UBE2F: variants seen among roughly 807,000 people sequenced by gnomAD.
The protein encoded by UBE2F is ubiquitin conjugating enzyme E2 F (putative), also known as NEDD8-conjugating enzyme UBE2F.
UBE2F carries 5 observed loss-of-function variants against 29.6 expected under a neutral mutation model. The ratio of observed to expected loss-of-function variants is 0.17; its 90% confidence interval spans 0.09 to 0.36. The LOEUF (loss-of-function observed/expected upper bound fraction) is 0.36, where lower values mean the gene tolerates loss of function less well. UBE2F is among the 10% of genes least tolerant of loss of function. The pLI is 1.00. For synonymous variants in UBE2F, 66 were observed against 81.8 expected (o/e 0.81, Z 1.04); for missense variants, 141 against 228.5 (o/e 0.62, Z 2.47).
chr2:238,026,109 G>A (rs2064421408), intron 6 of UBE2F, among the ~76,000 whole-genome samples: 1 of 152,208 alleles, frequency 6.6e-6, no homozygotes, highest in Non-Finnish European at 1.5e-5. Flanking sequence ...GATTGCAGGG[G>A]CTTTGATATC....
chr2:237,976,055 A>G (rs1416187683), intron 2 of UBE2F, among the ~76,000 whole-genome samples: 1 of 152,214 alleles, frequency 6.6e-6, no homozygotes, highest in African/African-American at 2.4e-5. Flanking sequence ...GGCCTTACCT[A>G]CTAAGCCTGG....
At chr2:238,007,519 AT>A (rs5839681) in intron 4 of UBE2F, among the ~76,000 whole-genome samples, 129,928 of 151,490 alleles carry the variant, frequency 0.86, 55,846 homozygotes, top group East Asian at 0.97. Flanking sequence ...GTATGTATGT[AT>A]TTTTTTTTTA....
intron 7 of UBE2F, among the ~76,000 whole-genome samples, chr2:238,031,299 T>G (rs2064570899): frequency 6.6e-6 from 1 of 152,218 alleles, no homozygotes; most frequent in South Asian, 2.1e-4. Flanking sequence ...GGCAGACTCC[T>G]GCTCCCCTGG....
At chr2:238,025,312 G>T (rs745754339) in intron 5 of UBE2F, 30 bp from the exon 6 acceptor site, 1 of 1,599,854 alleles carries the variant, frequency 6.3e-7, no homozygotes, top group East Asian at 2.2e-5. Flanking sequence ...GACTGTCGGC[G>T]TGATCTCTCT....
At chr2:238,019,145 T>C (rs748432521) in intron 5 of UBE2F, among the ~76,000 whole-genome samples, 3 of 152,160 alleles carry the variant, frequency 2.0e-5, no homozygotes, top group Non-Finnish European at 4.4e-5. Flanking sequence ...TGAAGTTCTG[T>C]GTGCTGTGTT....
At chr2:238,028,301 T>C (rs1435634209) in intron 6 of UBE2F, among the ~76,000 whole-genome samples, 1 of 152,238 alleles carries the variant, frequency 6.6e-6, no homozygotes, top group Non-Finnish European at 1.5e-5. Context: ...CAGGGTGAGC[T>C]TCCTTCTCCT....
At chr2:237,991,507 A>G (rs1043157521) in intron 3 of UBE2F, among the ~76,000 whole-genome samples, 10 of 151,928 alleles carry the variant, frequency 6.6e-5, no homozygotes, top group Admixed American at 6.6e-4. Flanking sequence ...GCATGCCTAC[A>G]TGTAGATAAA....
At chr2:238,039,058 A>G (rs2064782320) in intron 9 of UBE2F, among the ~76,000 whole-genome samples, 3 of 152,200 alleles carry the variant, frequency 2.0e-5, no homozygotes, top group African/African-American at 7.2e-5. Flanking sequence ...AACATGGTGA[A>G]ACCCCATCTC....
intron 1 of UBE2F, among the ~76,000 whole-genome samples, chr2:237,971,949 A>C (rs960267725): frequency 1.3e-5 from 2 of 152,204 alleles, no homozygotes; most frequent in Non-Finnish European, 2.9e-5. Context: ...CTGCCATTAA[A>C]AAATAAAATC....
intron 8 of UBE2F, 165 bp from the exon 9 acceptor site, chr2:238,035,713 G>T: frequency 7.1e-6 from 4 of 565,658 alleles, no homozygotes; most frequent in South Asian, 4.8e-5. Flanking sequence ...CCACATGTTC[G>T]ATATTTTGGT....
At chr2:238,029,039 G>T (rs754006657) in intron 6 of UBE2F, 1 of 151,816 alleles carries the variant, frequency 6.6e-6, no homozygotes, top group Non-Finnish European at 1.5e-5. Context: ...CCCAATTTGA[G>T]CATATGTGCT....
At chr2:237,988,081 GC>G in intron 3 of UBE2F, 89 bp downstream of exon 3, 1 of 737,436 alleles carries the variant, frequency 1.4e-6, no homozygotes, top group Non-Finnish European at 2.1e-6. Context: ...ATAGTAAAAA[GC>G]CTATTTTTCA....
intron 7 of UBE2F, 136 bp downstream of exon 7, chr2:238,030,749 T>G: frequency 7.3e-6 from 5 of 686,418 alleles, no homozygotes; most frequent in Non-Finnish European, 1.1e-5. Context: ...CTGCCTCCTC[T>G]TCTCCCTGCT....
At chr2:237,977,968 C>A (rs1399030961) in intron 2 of UBE2F, among the ~76,000 whole-genome samples, 2 of 151,982 alleles carry the variant, frequency 1.3e-5, no homozygotes, top group African/African-American at 4.8e-5. Flanking sequence ...ACCTTTGGGA[C>A]AATACCTGTG....
chr2:238,003,332 G>T (rs1342506189), intron 4 of UBE2F: 1 of 470,596 alleles, frequency 2.1e-6, no homozygotes. Flanking sequence ...CTTTCATCAG[G>T]AAAACATTGA....
chr2:238,003,342 A>G (rs774417925), intron 4 of UBE2F: 2 of 470,848 alleles, frequency 4.2e-6, no homozygotes, highest in South Asian at 3.1e-5. Context: ...GAAAACATTG[A>G]CTGCTCTCTC....
intron 8 of UBE2F, among the ~76,000 whole-genome samples, chr2:238,033,225 A>G (rs2064626478): frequency 6.6e-6 from 1 of 152,228 alleles, no homozygotes; most frequent in African/African-American, 2.4e-5. Flanking sequence ...TGCTGTTCTC[A>G]GGAAATAGCA....
chr2:238,027,497 G>C (rs909006728), intron 6 of UBE2F, among the ~76,000 whole-genome samples: 5 of 152,208 alleles, frequency 3.3e-5, no homozygotes, highest in African/African-American at 1.2e-4. Flanking sequence ...GTGGCTGGGG[G>C]AGGAGTGTGT....
intron 4 of UBE2F, among the ~76,000 whole-genome samples, chr2:238,001,632 A>G (rs959573529): frequency 2.0e-5 from 3 of 151,992 alleles, no homozygotes; most frequent in African/African-American, 4.8e-5. Flanking sequence ...CCTTGCTAAC[A>G]TGGTGAAACC....
Sources: allele counts gnomAD v4.1 joint callset (sites outside exome capture counted in the v4.1 genomes callset), GRCh38; gene constraint gnomAD v4.1.1; transcripts MANE v1.5; gene names NCBI Gene and HGNC (gene_info 2026-07-23, HGNC 2026-07-21).